Variants in MRPS28 observed in about 807,000 individuals in gnomAD.
MRPS28 encodes the protein mitochondrial ribosomal protein S28, also known as small ribosomal subunit protein bS1m.
In MRPS28, 7 loss-of-function variants were observed where a neutral mutation model predicts 10.8. The ratio of observed to expected loss-of-function variants is 0.65; its 90% confidence interval spans 0.37 to 1.22. The LOEUF (loss-of-function observed/expected upper bound fraction) is 1.22, where lower values mean the gene tolerates loss of function less well. MRPS28 is among the 50% of genes most tolerant of loss of function. The pLI is 0.02. For synonymous variants in MRPS28, 121 were observed against 93.3 expected (o/e 1.30, Z -1.71); for missense variants, 265 against 232.9 (o/e 1.14, Z -0.90).
rs375138676 is a variant in MRPS28, at chr8:79,986,022, C to A, written c.395+16977G>T. 2.1e-4 allele frequency among the ~76,000 whole-genome samples: 32 copies of A among 152,256 alleles called. No homozygotes were observed. In the East Asian group the frequency reaches 5.6e-3, roughly 27 times the overall value. The stretch of plus-strand genomic sequence containing the variant: ...CCTTGATGAACATTGATGCAAAAAT[C>A]CTCAATAAAATACTGGGAAACTGAA... On this transcript the variant is annotated intron_variant, in intron 2 of 2. Coordinates refer to ENST00000276585, the MANE Select transcript of MRPS28 (RefSeq NM_014018.3).
At chr8:79,921,170 C>A (rs1430698182) in intron 2 of MRPS28, among the ~76,000 whole-genome samples, 1 of 152,056 alleles carries the variant, frequency 6.6e-6, no homozygotes, top group Non-Finnish European at 1.5e-5. Flanking sequence ...GGTACCAGTA[C>A]CATGCTGTTT....
chr8:80,007,814 GA>G (rs1271985930), intron 1 of MRPS28, among the ~76,000 whole-genome samples: 3 of 152,106 alleles, frequency 2.0e-5, no homozygotes, highest in Non-Finnish European at 4.4e-5. Flanking sequence ...TCATGAATAG[GA>G]AGAATCAATA....
chr8:79,944,594 A>AGTAG (rs1306685784), intron 2 of MRPS28, among the ~76,000 whole-genome samples: 1 of 152,208 alleles, frequency 6.6e-6, no homozygotes, highest in African/African-American at 2.4e-5. Context: ...AGAACCTAAG[A>AGTAG]GTAGGGCATA....
At chr8:79,992,369 C>T (rs180693087) in intron 2 of MRPS28, among the ~76,000 whole-genome samples, 2 of 152,310 alleles carry the variant, frequency 1.3e-5, no homozygotes, top group South Asian at 2.1e-4. Flanking sequence ...CCAGAGATGT[C>T]CTTTCATTAT....
At position 79,979,915 on chromosome 8, in the gene MRPS28, C is replaced by CAAAAAAAAAAAAAAAAAAAAAAAAAAAAA. The variant is rs61633169; in HGVS notation, c.395+23083_395+23084insTTTTTTTTTTTTTTTTTTTTTTTTTTTTT. ...GCCACTAACATTCAGGATTCTCACG[C>CAAAAAAAAAAAAAAAAAAAAAAAAAAAAA]AAAAAAAAAAAAAAAAAAAAAAAAA... On this transcript the variant is annotated intron_variant, in intron 2 of 2. Coordinates refer to ENST00000276585, the MANE Select transcript of MRPS28 (RefSeq NM_014018.3). Among the ~76,000 whole-genome samples, 2 of 31,336 alleles carry CAAAAAAAAAAAAAAAAAAAAAAAAAAAAA rather than the reference C, an allele frequency of 6.4e-5. 1 individual carries two copies. Among genetic ancestry groups the CAAAAAAAAAAAAAAAAAAAAAAAAAAAAA allele is most frequent in the Non-Finnish European group, 1.2e-4 (2 of 16,140 alleles). The allele number at this position is 31,336 out of a possible 152,430, so 20.6% of individuals were successfully genotyped here.
Position 80,005,405 on chromosome 8 carries a change from G to C in MRPS28, c.214-2225C>G, listed in dbSNP as rs541364490. On this transcript the variant is annotated intron_variant, in intron 1 of 2. Coordinates refer to ENST00000276585, the MANE Select transcript of MRPS28 (RefSeq NM_014018.3). ...CAAACTAAGCTTCATAAGTGAAGGA[G>C]AAATAAAATCCTTTACAGACAAGCA... 3.3e-3 allele frequency among the ~76,000 whole-genome samples: 497 copies of C among 152,170 alleles called. 1 individual carries two copies. The highest frequency in any genetic ancestry group is 0.011 in the African/African-American group (464 of 41,462).
At chr8:80,027,330 T>G (rs1809517405) in intron 1 of MRPS28, among the ~76,000 whole-genome samples, 1 of 152,214 alleles carries the variant, frequency 6.6e-6, no homozygotes, top group South Asian at 2.1e-4. Context: ...CACTTTGAGA[T>G]AAGACAGCAA....
chr8:79,966,234 G>GA (rs755166302), intron 2 of MRPS28, among the ~76,000 whole-genome samples: 4 of 152,068 alleles, frequency 2.6e-5, no homozygotes, highest in Non-Finnish European at 5.9e-5. Context: ...GAACTTGAGT[G>GA]AGCTTGTTTT....
At chr8:79,977,463 TGAAGAGACCAACA>T (rs985322893) in intron 2 of MRPS28, among the ~76,000 whole-genome samples, 2 of 152,142 alleles carry the variant, frequency 1.3e-5, no homozygotes, top group Non-Finnish European at 2.9e-5. Context: ...TAATCTAAAA[TGAAGAGACCAACA>T]GAATTAATTA....
At chr8:79,940,191 T>TA (rs1451015041) in intron 2 of MRPS28, among the ~76,000 whole-genome samples, 2 of 152,062 alleles carry the variant, frequency 1.3e-5, no homozygotes, top group Admixed American at 1.3e-4. Flanking sequence ...AAAAAGATAT[T>TA]AGGTTTTAAA....
chr8:80,017,338 A>G (rs1809221339), intron 1 of MRPS28, among the ~76,000 whole-genome samples: 1 of 152,238 alleles, frequency 6.6e-6, no homozygotes, highest in Non-Finnish European at 1.5e-5. Context: ...AACGAAAGCA[A>G]AAGTTGGTTA....
chr8:80,019,977 T>C (rs549083495), intron 1 of MRPS28, among the ~76,000 whole-genome samples: 3 of 152,116 alleles, frequency 2.0e-5, no homozygotes, highest in Admixed American at 1.3e-4. Context: ...TACAGCTTGG[T>C]TTTATACAAT....
At chr8:79,987,093 A>C (rs1266510594) in intron 2 of MRPS28, among the ~76,000 whole-genome samples, 1 of 152,192 alleles carries the variant, frequency 6.6e-6, no homozygotes, top group African/African-American at 2.4e-5. Flanking sequence ...GATCAATGGA[A>C]CAGAACAGAG....
intron 2 of MRPS28, chr8:79,958,181 C>G: frequency 1.9e-6 from 1 of 529,652 alleles, no homozygotes; most frequent in Non-Finnish European, 3.3e-6. Context: ...CTATTCTAGA[C>G]TCTGGGGATG....
chr8:79,945,798 G>A (rs1157834579), intron 2 of MRPS28, among the ~76,000 whole-genome samples: 1 of 152,078 alleles, frequency 6.6e-6, no homozygotes, highest in Non-Finnish European at 1.5e-5. Flanking sequence ...AAAAAGTTAT[G>A]AGAAAATAAA....
chr8:80,023,229 A>G (rs1029562083), intron 1 of MRPS28, among the ~76,000 whole-genome samples: 2 of 152,244 alleles, frequency 1.3e-5, no homozygotes, highest in African/African-American at 2.4e-5. Flanking sequence ...AACATTTTCC[A>G]TCATTCCTTT....
At chr8:79,954,828 A>ATT (rs1444217597) in intron 2 of MRPS28, among the ~76,000 whole-genome samples, 9 of 152,124 alleles carry the variant, frequency 5.9e-5, no homozygotes, top group African/African-American at 2.2e-4. Flanking sequence ...GCAGTGGAAT[A>ATT]ATGCCTTTAA....
intron 2 of MRPS28, among the ~76,000 whole-genome samples, chr8:79,987,933 A>G (rs1254132895): frequency 6.6e-6 from 1 of 152,200 alleles, no homozygotes; most frequent in African/African-American, 2.4e-5. Flanking sequence ...TATATACCCA[A>G]AGGACTATAA....
intron 1 of MRPS28, among the ~76,000 whole-genome samples, chr8:80,005,133 G>A (rs1360595239): frequency 6.6e-6 from 1 of 152,094 alleles, no homozygotes; most frequent in East Asian, 1.9e-4. Flanking sequence ...GAAATACAGA[G>A]AACGCCACAA....
Sources: gnomAD v4.1 joint callset for allele counts (sites outside exome capture counted in the v4.1 genomes callset) on GRCh38, gnomAD v4.1.1 for gene constraint, MANE v1.5 for transcripts, NCBI Gene and HGNC (gene_info 2026-07-23, HGNC 2026-07-21) for gene names.